The following CFAP299 variants were observed in gnomAD, a reference collection of about 807,000 sequenced individuals.
CFAP299 encodes cilia and flagella associated protein 299, also known as cilia- and flagella-associated protein 299.
Under a neutral mutation model 27.0 loss-of-function variants are expected in CFAP299, and 21 were observed. The ratio of observed to expected loss-of-function variants is 0.78; its 90% CI spans 0.55 to 1.12. The LOEUF (loss-of-function observed/expected upper bound fraction) is 1.12, where lower values mean the gene tolerates loss of function less well. Among genes scored for constraint, CFAP299 ranks in the 50% most tolerant of loss-of-function variants. The probability of loss-of-function intolerance (pLI) is 0.00; values close to 1 mark genes in which losing one functional copy is unlikely to be tolerated. For synonymous variants in CFAP299, 104 were observed against 98.1 expected, an observed-to-expected ratio of 1.06 and a Z score of -0.36; for missense variants, 310 against 276.6, an observed-to-expected ratio of 1.12 and a Z score of -0.86.
In CFAP299 at chr4:80,375,991, A is replaced by G. The variant is rs546820556; in HGVS notation, c.242+13107A>G. Reference sequence around the variant, plus strand: ...TTGATGTTTTAAAGTGTGTAATTCAATGAGTTCTGACAAATGTATACAGTA... The same window carrying G: ...TTGATGTTTTAAAGTGTGTAATTCAGTGAGTTCTGACAAATGTATACAGTA... On this transcript the variant is annotated intron_variant, in intron 2 of 5. Transcript: ENST00000358105. 2.0e-5 allele frequency among the ~76,000 whole-genome samples: 3 copies of G among 152,358 alleles called. No homozygotes were observed. In the South Asian group the frequency reaches 6.2e-4, roughly 32 times the overall value.
intron 3 of CFAP299, among the ~76,000 whole-genome samples, chr4:80,587,149 T>G (rs2109878678): frequency 6.6e-6 from 1 of 152,302 alleles, no homozygotes; most frequent in African/African-American, 2.4e-5. Flanking sequence ...AAAATGAAGG[T>G]ATTATACAGA....
In CFAP299 at chr4:80,941,105, CT is replaced by C. The variant is rs368875447; in HGVS notation, c.477-3704del. ...CATCCTCCTCTATATTTTTAGTCATCTCTGGATCACTTAAACCCTAATACAA... is the reference window on the plus strand; with the variant it reads ...CATCCTCCTCTATATTTTTAGTCATCCTGGATCACTTAAACCCTAATACAA... On this transcript the variant is annotated intron_variant, in intron 4 of 5. Coordinates refer to ENST00000358105, the MANE Select transcript of CFAP299 (RefSeq NM_152770.3). Among the ~76,000 whole-genome samples the C allele has an allele frequency of 4.0e-3, 615 of 152,240 alleles. 1 individual carries two copies. Among genetic ancestry groups the C allele is most frequent in the Middle Eastern group, 0.014 (4 of 294 alleles).
intron 3 of CFAP299, among the ~76,000 whole-genome samples, chr4:80,596,141 C>A (rs1235302560): frequency 6.6e-6 from 1 of 152,042 alleles, no homozygotes; most frequent in Non-Finnish European, 1.5e-5. Flanking sequence ...GGGACAGATA[C>A]ATGTTTGACA....
intron 3 of CFAP299, among the ~76,000 whole-genome samples, chr4:80,723,554 G>A (rs1722965686): frequency 6.6e-6 from 1 of 152,022 alleles, no homozygotes; most frequent in Non-Finnish European, 1.5e-5. Context: ...TACATCTGTG[G>A]TTGTCTCAGG....
chr4:80,919,128 T>C (rs1387070415), intron 4 of CFAP299, among the ~76,000 whole-genome samples: 1 of 151,416 alleles, frequency 6.6e-6, no homozygotes, highest in Admixed American at 6.6e-5. Flanking sequence ...GGACCTGAAT[T>C]TCTTTTCTTC....
intron 4 of CFAP299, among the ~76,000 whole-genome samples, chr4:80,896,601 T>C (rs1048575637): frequency 6.6e-6 from 1 of 152,046 alleles, no homozygotes; most frequent in Non-Finnish European, 1.5e-5. Context: ...ATGGAGTAAA[T>C]TGGAAGTCTA....
intron 3 of CFAP299, among the ~76,000 whole-genome samples, chr4:80,848,019 G>T (rs1001867619): frequency 2.6e-5 from 4 of 151,946 alleles, no homozygotes; most frequent in Non-Finnish European, 5.9e-5. Flanking sequence ...AGAACAGCCT[G>T]GGCAACATGG....
At chr4:80,373,806 C>G (rs1724270759) in intron 2 of CFAP299, among the ~76,000 whole-genome samples, 1 of 152,126 alleles carries the variant, frequency 6.6e-6, no homozygotes, top group South Asian at 2.1e-4. Context: ...TGCAACAAGG[C>G]TTTTCTGCAT....
At chr4:80,899,867 A>C (rs1383985956) in intron 4 of CFAP299, among the ~76,000 whole-genome samples, 1 of 152,216 alleles carries the variant, frequency 6.6e-6, no homozygotes, top group Non-Finnish European at 1.5e-5. Context: ...TGTTGTGAGA[A>C]CAGAATGAGC....
chr4:80,566,460 T>A (rs1042653874), intron 2 of CFAP299, among the ~76,000 whole-genome samples: 31 of 84,012 alleles, frequency 3.7e-4, no homozygotes, highest in African/African-American at 8.1e-4. Context: ...GCTCTGACTG[T>A]TTTCCTCTGG....
At chr4:80,399,567 C>T (rs931114113) in intron 2 of CFAP299, among the ~76,000 whole-genome samples, 5 of 151,994 alleles carry the variant, frequency 3.3e-5, no homozygotes, top group African/African-American at 1.2e-4. Flanking sequence ...TGGAAACCAT[C>T]ATTCTCAGCA....
At chr4:80,622,169 T>C (rs1438281414) in intron 3 of CFAP299, among the ~76,000 whole-genome samples, 1 of 152,168 alleles carries the variant, frequency 6.6e-6, no homozygotes, top group South Asian at 2.1e-4. Context: ...TTTTGAATAA[T>C]AATTTTTCTG....
chr4:80,767,888 ACT>A (rs574620611), intron 3 of CFAP299, among the ~76,000 whole-genome samples: 17 of 151,906 alleles, frequency 1.1e-4, no homozygotes, highest in Admixed American at 5.2e-4. Context: ...ATCAAAATAG[ACT>A]CTCTATTTTT....
intron 2 of CFAP299, among the ~76,000 whole-genome samples, chr4:80,582,830 G>A (rs1337325152): frequency 9.2e-5 from 14 of 151,754 alleles, no homozygotes; most frequent in South Asian, 2.1e-4. Flanking sequence ...AAAAAAGAAC[G>A]AAATGGGCAT....
intron 2 of CFAP299, among the ~76,000 whole-genome samples, chr4:80,475,740 A>T (rs1285968007): frequency 6.6e-6 from 1 of 152,226 alleles, no homozygotes; most frequent in East Asian, 1.9e-4. Flanking sequence ...AGAAATAGAT[A>T]AGTGTCGCAA....
intron 3 of CFAP299, among the ~76,000 whole-genome samples, chr4:80,616,340 A>C (rs547640213): frequency 3.1e-4 from 47 of 152,304 alleles, no homozygotes; most frequent in South Asian, 6.2e-4. Flanking sequence ...AAAGAACTAT[A>C]AAGTTTTGTA....
At chr4:80,437,621 C>A (rs1440644091) in intron 2 of CFAP299, among the ~76,000 whole-genome samples, 1 of 152,180 alleles carries the variant, frequency 6.6e-6, no homozygotes, top group Admixed American at 6.5e-5. Context: ...AGAGGGGAGA[C>A]ACTATCTCCA....
intron 2 of CFAP299, among the ~76,000 whole-genome samples, chr4:80,523,571 A>C (rs1369086423): frequency 6.6e-6 from 1 of 152,132 alleles, no homozygotes; most frequent in Non-Finnish European, 1.5e-5. Context: ...TGTCCTCACC[A>C]ATGTGGGTGA....
At chr4:80,914,052 A>G (rs1735622146) in intron 4 of CFAP299, among the ~76,000 whole-genome samples, 1 of 152,166 alleles carries the variant, frequency 6.6e-6, no homozygotes, top group Non-Finnish European at 1.5e-5. Flanking sequence ...GCTGAGTACT[A>G]TTCCACTATA....
Sources: allele counts gnomAD v4.1 joint callset (sites outside exome capture counted in the v4.1 genomes callset), GRCh38; gene constraint gnomAD v4.1.1; transcripts MANE v1.5; gene names NCBI Gene and HGNC (gene_info 2026-07-23, HGNC 2026-07-21).